TENM1: variants seen among roughly 807,000 people sequenced by gnomAD.
The protein encoded by TENM1 is teneurin-1.
Under a neutral mutation model 174.8 loss-of-function variants are expected in TENM1, and 35 were observed. The observed-to-expected ratio is 0.20, with a 90% CI of 0.15 to 0.27. The LOEUF (loss-of-function observed/expected upper bound fraction) is 0.27, where lower values mean the gene tolerates loss of function less well. TENM1 is among the 10% of genes least tolerant of loss of function. The pLI, the probability that TENM1 is intolerant of heterozygous loss-of-function variation, is 1.00. For synonymous variants in TENM1, 781 were observed against 798.7 expected, an observed-to-expected ratio of 0.98 and a Z score of 0.37; for missense variants, 1,633 against 2,130.1, an observed-to-expected ratio of 0.77 and a Z score of 4.59.
chrX:125,106,483 C>T, the TENM1 span, among the ~76,000 whole-genome samples: 2 of 108,385 alleles, frequency 1.8e-5, no homozygotes, highest in Non-Finnish European at 3.8e-5. Context: ...GATCTCAGCT[C>T]ACTGCAAGCT....
chrX:124,913,196 C>T (rs2057864480), intron 1 of TENM1, among the ~76,000 whole-genome samples: 2 of 110,944 alleles, frequency 1.8e-5, no homozygotes, highest in African/African-American at 6.5e-5. Flanking sequence ...CATAGTGATT[C>T]CATAAATAAA....
chrX:124,406,164 T>G (rs773276892), intron 26 of TENM1, among the ~76,000 whole-genome samples, 153 bp downstream of exon 29: 1 of 108,433 alleles, frequency 9.2e-6, no homozygotes, highest in East Asian at 2.9e-4. Context: ...AGGTGTGAAT[T>G]TTGTCTGTGT....
At chrX:124,376,931 T>C (rs2060110300) in exon 32 of TENM1, 1 of 110,497 alleles carries the variant, frequency 9.1e-6, no homozygotes, top group Admixed American at 9.7e-5. Context: ...CTTATGTCTT[T>C]CCACAAGCTA....
the TENM1 span, among the ~76,000 whole-genome samples, chrX:125,024,185 C>T: frequency 2.5e-4 from 28 of 111,132 alleles, no homozygotes; most frequent in African/African-American, 9.2e-4. Flanking sequence ...TCTCATGTAA[C>T]TACCATTCAA....
At chrX:124,485,320 T>A (rs2046930387) in intron 21 of TENM1, among the ~76,000 whole-genome samples, 1 of 111,103 alleles carries the variant, frequency 9.0e-6, no homozygotes, top group African/African-American at 3.3e-5. Flanking sequence ...AAATAAACTA[T>A]GAAGGGCCCC....
intron 27 of TENM1, among the ~76,000 whole-genome samples, chrX:124,394,246 TA>T (rs918746892): frequency 4.4e-5 from 5 of 112,521 alleles, no homozygotes; most frequent in African/African-American, 1.6e-4. Flanking sequence ...GCTACTCAAC[TA>T]AACTTGATGT....
rs766491849 is a variant in TENM1 at position 124,910,785 on chromosome X, C to T, written c.218-14544G>A. On this transcript the variant is annotated intron_variant, in intron 1 of 31. Transcript: ENST00000422452. ...TTCTAGCTCCATTTGTTTTTTCCCC[C>T]TTTCTTGTTCAAATGTTCTCATTTC... Among the ~76,000 whole-genome samples the T allele has an allele frequency of 3.6e-5, 4 of 111,664 alleles. No individual in the cohort carries two copies. In the South Asian group the frequency reaches 1.5e-3, roughly 42 times the overall value.
At chrX:125,018,078 CAAGAG>C in the TENM1 span, among the ~76,000 whole-genome samples, 1 of 111,667 alleles carries the variant, frequency 9.0e-6, no homozygotes, top group African/African-American at 3.2e-5. Flanking sequence ...TTAAAATAGT[CAAGAG>C]AAAACTCAAA....
chrX:124,689,466 A>T (rs1408092070), intron 5 of TENM1, among the ~76,000 whole-genome samples: 2 of 112,023 alleles, frequency 1.8e-5, no homozygotes, highest in African/African-American at 6.5e-5. Flanking sequence ...ATATTTCATG[A>T]TAGAGAAAAA....
At chrX:124,529,944 A>C in exon 16 of TENM1, 1 of 1,210,698 alleles carries the variant, frequency 8.3e-7, no homozygotes, top group Non-Finnish European at 1.1e-6. Context: ...GAGGAGTTCC[A>C]TCTATGGCCA....
At chrX:125,111,198 C>T in the TENM1 span, among the ~76,000 whole-genome samples, 6 of 111,863 alleles carry the variant, frequency 5.4e-5, no homozygotes, top group Non-Finnish European at 1.1e-4. Context: ...TGAGAAAATG[C>T]AAGCGGTGCA....
intron 27 of TENM1, among the ~76,000 whole-genome samples, chrX:124,402,406 C>T (rs1012088340): frequency 7.1e-4 from 79 of 111,829 alleles, no homozygotes; most frequent in African/African-American, 2.3e-3. Context: ...TAGTCCAGTC[C>T]GCAAATCTGC....
chrX:125,085,674 G>T, the TENM1 span, among the ~76,000 whole-genome samples: 1 of 110,449 alleles, frequency 9.1e-6, no homozygotes, highest in Admixed American at 9.7e-5. Flanking sequence ...TTCCTATTCT[G>T]ATCTTTGTCA....
chrX:124,573,282 T>G (rs2049096034), intron 11 of TENM1, among the ~76,000 whole-genome samples: 1 of 111,635 alleles, frequency 9.0e-6, no homozygotes, highest in Non-Finnish European at 1.9e-5. Flanking sequence ...AAAATACATT[T>G]TATGGATATA....
intron 3 of TENM1, among the ~76,000 whole-genome samples, chrX:124,888,185 G>A (rs2057419647): frequency 9.0e-6 from 1 of 111,504 alleles, no homozygotes; most frequent in South Asian, 3.8e-4. Flanking sequence ...ATGTTTATTG[G>A]TAGCACATAC....
chrX:124,474,159 T>C (rs1334639504), intron 22 of TENM1, among the ~76,000 whole-genome samples: 5 of 111,654 alleles, frequency 4.5e-5, no homozygotes, highest in Non-Finnish European at 9.4e-5. Flanking sequence ...ATTATGACTA[T>C]AGCAACAAAA....
chrX:124,711,188 G>T (rs2053039638), intron 4 of TENM1, among the ~76,000 whole-genome samples: 1 of 110,976 alleles, frequency 9.0e-6, no homozygotes, highest in Admixed American at 9.6e-5. Flanking sequence ...AAGGAAATGG[G>T]CATATAAAGA....
intron 17 of TENM1, among the ~76,000 whole-genome samples, chrX:124,522,767 C>T (rs1447005001): frequency 9.2e-6 from 1 of 109,188 alleles, no homozygotes; most frequent in Non-Finnish European, 1.9e-5. Flanking sequence ...CAGCTCACTG[C>T]AACCTCCGTC....
intron 31 of TENM1, 106 bp from the exon 35 acceptor site, chrX:124,381,400 T>A: frequency 1.3e-6 from 1 of 773,366 alleles, no homozygotes; most frequent in Non-Finnish European, 1.8e-6. Flanking sequence ...CTTCTCTCTT[T>A]AATTTGTCAG....
Sources: allele counts gnomAD v4.1 joint callset (sites outside exome capture counted in the v4.1 genomes callset), GRCh38; gene constraint gnomAD v4.1.1; transcripts MANE v1.5; gene names NCBI Gene and HGNC (gene_info 2026-07-23, HGNC 2026-07-21).